The following SLC71A2 variants were observed in gnomAD, a reference collection of about 807,000 sequenced individuals.
SLC71A2 encodes hippocampus abundant transcript-like 1.
the SLC71A2 span, among the ~76,000 whole-genome samples, chr9:94,419,811 A>C: frequency 1.3e-5 from 2 of 152,162 alleles, no homozygotes; most frequent in Non-Finnish European, 2.9e-5. Context: ...CTTGGACTAA[A>C]TCTGTGAAGT....
At chr9:94,447,501 T>A in the SLC71A2 span, among the ~76,000 whole-genome samples, 3 of 130,606 alleles carry the variant, frequency 2.3e-5, no homozygotes, top group South Asian at 2.3e-4. Context: ...TTTTTTTTTT[T>A]AAATAGACTA....
chr9:94,453,300 C>T, the SLC71A2 span, among the ~76,000 whole-genome samples: 9 of 152,004 alleles, frequency 5.9e-5, no homozygotes, highest in Non-Finnish European at 4.4e-5. Flanking sequence ...CAAGTGTGCA[C>T]CACTATGCCT....
At chr9:94,433,768 C>T in the SLC71A2 span, among the ~76,000 whole-genome samples, 1 of 152,016 alleles carries the variant, frequency 6.6e-6, no homozygotes, top group Non-Finnish European at 1.5e-5. Flanking sequence ...CATTAGAATC[C>T]TAAAGTAAAA....
chr9:94,426,323 G>A, the SLC71A2 span, among the ~76,000 whole-genome samples: 3 of 151,912 alleles, frequency 2.0e-5, no homozygotes, highest in African/African-American at 4.8e-5. Context: ...AAGACACCAG[G>A]GAGCTTACTT....
chr9:94,377,553 TAA>T, the SLC71A2 span, among the ~76,000 whole-genome samples: 29 of 132,010 alleles, frequency 2.2e-4, no homozygotes, highest in African/African-American at 4.5e-4. Flanking sequence ...TTTTTTTTTT[TAA>T]TTTATTTTTT....
chr9:94,429,048 T>G, the SLC71A2 span: 5 of 1,272,628 alleles, frequency 3.9e-6, no homozygotes, highest in African/African-American at 7.6e-5. Context: ...ACAGTTTGTT[T>G]GTTTATTTTT....
At chr9:94,374,825 C>G in the SLC71A2 span, 1 of 768,908 alleles carries the variant, frequency 1.3e-6, no homozygotes, top group African/African-American at 1.8e-5. Flanking sequence ...GCGGCATGAG[C>G]GTGGAGCCGC....
At chr9:94,414,737 G>C in the SLC71A2 span, among the ~76,000 whole-genome samples, 1 of 152,054 alleles carries the variant, frequency 6.6e-6, no homozygotes, top group Non-Finnish European at 1.5e-5. Flanking sequence ...TCGGCTCACT[G>C]CAAGCTCCGG....
chr9:94,448,786 C>G, the SLC71A2 span, among the ~76,000 whole-genome samples: 2 of 152,132 alleles, frequency 1.3e-5, no homozygotes, highest in Non-Finnish European at 2.9e-5. Flanking sequence ...GTATGCACCA[C>G]CACACCCAGC....
chr9:94,384,336 CTT>C, the SLC71A2 span, among the ~76,000 whole-genome samples: 21 of 133,248 alleles, frequency 1.6e-4, no homozygotes, highest in Non-Finnish European at 1.1e-4. Flanking sequence ...TCAAATTTTC[CTT>C]TTTTTTTTTT....
chr9:94,405,016 ATAT>A, the SLC71A2 span, among the ~76,000 whole-genome samples: 1 of 152,072 alleles, frequency 6.6e-6, no homozygotes, highest in Non-Finnish European at 1.5e-5. Flanking sequence ...TAACTTTTAT[ATAT>A]GGTTTAGGGT....
At chr9:94,456,141 G>A in the SLC71A2 span, 2 of 723,080 alleles carry the variant, frequency 2.8e-6, no homozygotes, top group Non-Finnish European at 4.6e-6. Context: ...TGTAACAGGA[G>A]AAAACAAGGC....
At chr9:94,430,592 A>G in the SLC71A2 span, among the ~76,000 whole-genome samples, 1 of 152,338 alleles carries the variant, frequency 6.6e-6, no homozygotes, top group East Asian at 1.9e-4. Context: ...GAAAATGTCA[A>G]GTCCTAGAAA....
At chr9:94,411,877 C>G in the SLC71A2 span, among the ~76,000 whole-genome samples, 30,319 of 152,118 alleles carry the variant, frequency 0.2, 3,252 homozygotes, top group African/African-American at 0.28. Flanking sequence ...AGGTGTGAGC[C>G]ACTTCCCCTG....
At chr9:94,386,652 A>G in the SLC71A2 span, among the ~76,000 whole-genome samples, 15,777 of 151,744 alleles carry the variant, frequency 0.1, 1,462 homozygotes, top group East Asian at 0.35. Context: ...CTTTCATGTC[A>G]ACTCAGAAAG....
At chr9:94,382,643 A>G in the SLC71A2 span, among the ~76,000 whole-genome samples, 1 of 151,938 alleles carries the variant, frequency 6.6e-6, no homozygotes, top group African/African-American at 2.4e-5. Context: ...ATCCCAAATC[A>G]TAGGAATTTC....
At chr9:94,447,490 T>G in the SLC71A2 span, among the ~76,000 whole-genome samples, 4 of 151,714 alleles carry the variant, frequency 2.6e-5, no homozygotes, top group Non-Finnish European at 4.4e-5. Context: ...TGTTTTTTTT[T>G]TTTTTTTTTT....
chr9:94,375,712 T>C, the SLC71A2 span, among the ~76,000 whole-genome samples: 2 of 151,504 alleles, frequency 1.3e-5, no homozygotes, highest in Non-Finnish European at 2.9e-5. Context: ...CAAAGAAAAG[T>C]AGAAATTTTA....
the SLC71A2 span, chr9:94,459,443 C>T: frequency 5.9e-5 from 95 of 1,610,192 alleles, no homozygotes; most frequent in East Asian, 1.9e-3. Flanking sequence ...CTGCATACGC[C>T]ATCTCTGAGA....
Sources: allele counts gnomAD v4.1 joint callset (sites outside exome capture counted in the v4.1 genomes callset), GRCh38; gene constraint gnomAD v4.1.1; transcripts MANE v1.5; gene names NCBI Gene and HGNC (gene_info 2026-07-23, HGNC 2026-07-21).